EFNA5: variants seen among roughly 807,000 people sequenced by gnomAD.
EFNA5 encodes the protein ephrin A5.
Under a neutral mutation model 22.9 loss-of-function variants are expected in EFNA5, and 5 were observed. The observed-to-expected ratio is 0.22, with a 90% CI of 0.11 to 0.46. The LOEUF (loss-of-function observed/expected upper bound fraction) is 0.46, where lower values mean the gene tolerates loss of function less well. Ranked by LOEUF, EFNA5 falls within the 20% of genes least tolerant of loss-of-function variation. The pLI, the probability that EFNA5 is intolerant of heterozygous loss-of-function variation, is 0.99. For synonymous variants in EFNA5, 113 were observed against 112.2 expected (o/e 1.01, Z -0.04); for missense variants, 237 against 293.3 (o/e 0.81, Z 1.40).
chr5:107,399,289 C>T (rs1166948015), intron 2 of EFNA5, among the ~76,000 whole-genome samples: 1 of 123,010 alleles, frequency 8.1e-6, no homozygotes, highest in African/African-American at 3.4e-5. Flanking sequence ...CCCATCTCTA[C>T]TAAAGAAGGA....
chr5:107,550,462 T>A (rs1748269410), intron 1 of EFNA5, among the ~76,000 whole-genome samples: 1 of 152,182 alleles, frequency 6.6e-6, no homozygotes. Flanking sequence ...GCTTACCACC[T>A]ACATCACAGG....
intron 1 of EFNA5, among the ~76,000 whole-genome samples, chr5:107,550,867 G>A (rs1748278831): frequency 6.6e-6 from 1 of 152,000 alleles, no homozygotes; most frequent in Non-Finnish European, 1.5e-5. Context: ...ATTCCTGCTA[G>A]GTACAATGAA....
chr5:107,463,538 A>G (rs9686459), intron 1 of EFNA5, among the ~76,000 whole-genome samples: 15,522 of 152,176 alleles, frequency 0.1, 862 homozygotes, highest in Middle Eastern at 0.14. Flanking sequence ...GTGTATGTGT[A>G]TATGTAATTT....
intron 1 of EFNA5, among the ~76,000 whole-genome samples, chr5:107,644,342 TA>T (rs950317157): frequency 5.9e-5 from 9 of 152,042 alleles, no homozygotes; most frequent in South Asian, 2.1e-4. Flanking sequence ...AGTGTTTACT[TA>T]AAAAATGAGG....
At chr5:107,548,418 C>T (rs1252391105) in intron 1 of EFNA5, among the ~76,000 whole-genome samples, 3 of 152,164 alleles carry the variant, frequency 2.0e-5, no homozygotes, top group Admixed American at 6.5e-5. Flanking sequence ...TTTTGCTTCA[C>T]ATTTAATATG....
At chr5:107,384,188 C>T (rs1349497590) in intron 4 of EFNA5, among the ~76,000 whole-genome samples, 2 of 152,130 alleles carry the variant, frequency 1.3e-5, no homozygotes, top group Non-Finnish European at 2.9e-5. Flanking sequence ...GAAACTACAC[C>T]TAAACATGAG....
chr5:107,398,268 T>A (rs1032595895), intron 2 of EFNA5, among the ~76,000 whole-genome samples: 1 of 152,206 alleles, frequency 6.6e-6, no homozygotes, highest in African/African-American at 2.4e-5. Flanking sequence ...AAATCCCTAC[T>A]TCCTCTGGCC....
At chr5:107,408,981 C>T (rs1052719174) in intron 2 of EFNA5, among the ~76,000 whole-genome samples, 6 of 152,152 alleles carry the variant, frequency 3.9e-5, no homozygotes, top group Admixed American at 2.0e-4. Context: ...AGTGGTAACA[C>T]CAACTATTGA....
chr5:107,517,588 C>T (rs547867277), intron 1 of EFNA5, among the ~76,000 whole-genome samples: 7 of 152,262 alleles, frequency 4.6e-5, no homozygotes, highest in Admixed American at 3.3e-4. Context: ...CAATAAAGAT[C>T]TTGGTTTTCT....
At chr5:107,617,209 T>TACACACACACAC (rs373146585) in intron 1 of EFNA5, among the ~76,000 whole-genome samples, 5 of 141,154 alleles carry the variant, frequency 3.5e-5, no homozygotes, top group African/African-American at 1.1e-4. Context: ...CATGTGCACA[T>TACACACACACAC]ACACACACAC....
In EFNA5 at chr5:107,629,329, T is replaced by C. The variant is rs572259286; in HGVS notation, c.125+41160A>G. The stretch of plus-strand genomic sequence containing the variant: ...TTAAAAAATACATTAAGCCCTGTCC[T>C]TTCCATATATATGTTAATGGAATAC... On this transcript the variant is annotated intron_variant, in intron 1 of 4. Transcript: ENST00000333274. 4.7e-5 allele frequency among the ~76,000 whole-genome samples: 7 copies of C among 150,506 alleles called. No homozygotes were observed. The South Asian group carries it at 1.5e-3, about 31-fold the overall frequency.
chr5:107,571,034 T>TTC (rs1291785433), intron 1 of EFNA5, among the ~76,000 whole-genome samples: 22 of 151,978 alleles, frequency 1.4e-4, no homozygotes, highest in East Asian at 3.9e-4. Context: ...GCACTCTCTC[T>TTC]TCTCTCTCTC....
intron 1 of EFNA5, among the ~76,000 whole-genome samples, chr5:107,496,683 A>G (rs1383312795): frequency 1.3e-5 from 2 of 152,184 alleles, no homozygotes; most frequent in African/African-American, 4.8e-5. Context: ...GGGGCTTGCT[A>G]AGCAATAAAG....
chr5:107,612,238 A>T (rs1472733998), intron 1 of EFNA5, among the ~76,000 whole-genome samples: 1 of 152,164 alleles, frequency 6.6e-6, no homozygotes, highest in East Asian at 1.9e-4. Flanking sequence ...TTACTGATAA[A>T]TATGTAAAGT....
Position 107,609,368 on chromosome 5 carries a change from G to A in EFNA5, c.125+61121C>T, listed in dbSNP as rs533232711. The stretch of plus-strand genomic sequence containing the variant: ...CATTATTAAAATTACCTATAAGACT[G>A]GTAATTAAAGCTAACCGTCTGCCAT... On this transcript the variant is annotated intron_variant, in intron 1 of 4. Transcript: ENST00000333274. 5.3e-5 allele frequency among the ~76,000 whole-genome samples: 8 copies of A among 152,236 alleles called. No homozygotes were observed. The South Asian group carries it at 1.5e-3, about 28-fold the overall frequency.
chr5:107,572,695 T>G (rs1748841563), intron 1 of EFNA5, among the ~76,000 whole-genome samples: 2 of 152,174 alleles, frequency 1.3e-5, no homozygotes, highest in Admixed American at 1.3e-4. Flanking sequence ...CAACAAAATA[T>G]AATACTAAAA....
At chr5:107,416,548 A>G (rs898442228) in intron 2 of EFNA5, among the ~76,000 whole-genome samples, 1 of 152,176 alleles carries the variant, frequency 6.6e-6, no homozygotes, top group Non-Finnish European at 1.5e-5. Flanking sequence ...AGTGCTAGGT[A>G]CAGTGCCTGC....
At chr5:107,442,906 A>G (rs1749292498) in intron 1 of EFNA5, among the ~76,000 whole-genome samples, 1 of 141,702 alleles carries the variant, frequency 7.1e-6, no homozygotes, top group South Asian at 2.4e-4. Context: ...AAACTTCCCG[A>G]GGAGCGAAAG....
At chr5:107,428,251 A>T (rs1212773368) in intron 1 of EFNA5, among the ~76,000 whole-genome samples, 1 of 152,180 alleles carries the variant, frequency 6.6e-6, no homozygotes, top group Non-Finnish European at 1.5e-5. Context: ...TACTGAGAAA[A>T]CAACCCATCT....
Sources: gnomAD v4.1 joint callset for allele counts (sites outside exome capture counted in the v4.1 genomes callset) on GRCh38, gnomAD v4.1.1 for gene constraint, MANE v1.5 for transcripts, NCBI Gene and HGNC (gene_info 2026-07-23, HGNC 2026-07-21) for gene names.